Variants in ABR observed in about 807,000 individuals in gnomAD.
ABR encodes the protein active breakpoint cluster region-related protein.
A neutral mutation model predicts 107.2 loss-of-function variants in ABR; 35 were observed. That is an observed-to-expected ratio of 0.33 (90% CI 0.25 to 0.43). The LOEUF (loss-of-function observed/expected upper bound fraction) is 0.43. ABR is among the 20% of genes least tolerant of loss of function. The probability of loss-of-function intolerance (pLI) is 1.00; values close to 1 mark genes in which losing one functional copy is unlikely to be tolerated. For missense variants in ABR, 815 were observed against 1,115.2 expected (o/e 0.73, Z 3.83); for synonymous variants, 498 against 462.0 (o/e 1.08, Z -1.00).
chr17:1,058,627 T>G, intron 11 of ABR, 118 bp downstream of exon 11: 2 of 1,332,554 alleles, frequency 1.5e-6, no homozygotes, highest in Non-Finnish European at 2.0e-6. Flanking sequence ...CATGGCAGCC[T>G]CCTCAGGAAG....
intron 16 of ABR, chr17:1,031,760 CG>C: frequency 8.1e-7 from 1 of 1,235,172 alleles, no homozygotes. Flanking sequence ...GGACGGGACG[CG>C]GCGCTGGAGA....
At chr17:1,170,529 C>T (rs1159080226) in intron 1 of ABR, among the ~76,000 whole-genome samples, 3 of 152,144 alleles carry the variant, frequency 2.0e-5, no homozygotes, top group Non-Finnish European at 2.9e-5. Context: ...CTCCGCCTCC[C>T]GGATTCAAGC....
In ABR at chr17:1,084,371, C is replaced by T. The variant is rs137861845; in HGVS notation, c.532-744G>A. 7.2e-5 allele frequency among the ~76,000 whole-genome samples: 11 copies of T among 152,258 alleles called. No homozygotes were observed. The highest frequency in any genetic ancestry group is 2.2e-4 in the African/African-American group (9 of 41,554). Reference sequence around the variant, plus strand: ...CAGCCTGGGTGACAGAGTAAGACTCCGTCTCAAAAAGAAAACAAAACAACA... The same window carrying T: ...CAGCCTGGGTGACAGAGTAAGACTCTGTCTCAAAAAGAAAACAAAACAACA... On this transcript the variant is annotated intron_variant, in intron 4 of 22. Coordinates refer to ENST00000302538, the MANE Select transcript of ABR (RefSeq NM_021962.5). The surrounding 1 kb of genome is among the most constrained non-coding windows in gnomAD (Gnocchi z 4.2).
At chr17:1,155,225 G>A (rs1283332393) in intron 1 of ABR, among the ~76,000 whole-genome samples, 1 of 152,156 alleles carries the variant, frequency 6.6e-6, no homozygotes, top group Non-Finnish European at 1.5e-5. Flanking sequence ...GATCCACGGA[G>A]TCACGTTGAG....
Position 1,012,174 on chromosome 17 carries a change from G to A in ABR, c.1962-189C>T, listed in dbSNP as rs567298232. ...CCAGCCAGCCCACCCGAGGCCTGCC[G>A]AAGGGGCATCGACGGACGTGGGCAG... On this transcript the variant is annotated intron_variant, in intron 18 of 22. Coordinates refer to ENST00000302538, the MANE Select transcript of ABR (RefSeq NM_021962.5). The A allele has an allele frequency of 2.3e-4, 210 of 909,112 alleles. No individual in the cohort carries two copies. The African/African-American group carries it at 2.9e-3, about 13-fold the overall frequency. 56.3% of individuals were successfully genotyped at this position (909,112 alleles called of 1,614,324 possible).
chr17:1,103,874 C>T (rs2038073399), intron 2 of ABR, among the ~76,000 whole-genome samples: 2 of 152,200 alleles, frequency 1.3e-5, no homozygotes, highest in African/African-American at 4.8e-5. Flanking sequence ...TGTTCCATCT[C>T]CCATCTTTTC....
chr17:1,071,842 C>A lies in ABR; in HGVS notation c.894+772G>T, dbSNP rs1478584173. ...AGGAATCCAGCTCTGACACCAGTGGCTGAAAGACTGCGTGGTGGACCTGGA... is the reference window on the plus strand; with the variant it reads ...AGGAATCCAGCTCTGACACCAGTGGATGAAAGACTGCGTGGTGGACCTGGA... On this transcript the variant is annotated intron_variant, in intron 8 of 22. Coordinates refer to ENST00000302538, the MANE Select transcript of ABR (RefSeq NM_021962.5). This position sits in a 1 kb window ranked among gnomAD's most constrained non-coding sequence, Gnocchi z 5.1. Among the ~76,000 whole-genome samples, 2 of 152,244 alleles carry A rather than the reference C, an allele frequency of 1.3e-5. No homozygotes were observed. The highest frequency in any genetic ancestry group is 2.9e-5 in the Non-Finnish European group (2 of 68,040).
At chr17:1,042,577 G>A (rs2030797361) in intron 16 of ABR, among the ~76,000 whole-genome samples, 1 of 77,914 alleles carries the variant, frequency 1.3e-5, no homozygotes, top group Non-Finnish European at 2.9e-5. Flanking sequence ...AACAGACATG[G>A]CACCTACGTC....
At position 1,179,172 on chromosome 17, in the gene ABR, C is replaced by A. The variant is rs2151625783; in HGVS notation, c.61+495G>T. The stretch of plus-strand genomic sequence containing the variant: ...CACCCGATCCCACCCCAGCACCGAA[C>A]CCCTGGGCCCTGAACCACACATGAC... On this transcript the variant is annotated intron_variant, in intron 1 of 22. Coordinates refer to ENST00000302538, the MANE Select transcript of ABR (RefSeq NM_021962.5). The surrounding 1 kb of genome is among the most constrained non-coding windows in gnomAD (Gnocchi z 4.9). 6.8e-6 allele frequency among the ~76,000 whole-genome samples: 1 copy of A among 146,756 alleles called. No individual in the cohort carries two copies. Among genetic ancestry groups the A allele is most frequent in the East Asian group, 2.0e-4 (1 of 5,106 alleles).
At chr17:1,029,106 A>G (rs1414454571) in intron 16 of ABR, among the ~76,000 whole-genome samples, 2 of 151,370 alleles carry the variant, frequency 1.3e-5, no homozygotes, top group Non-Finnish European at 3.0e-5. Context: ...TTGAGGCAAA[A>G]AAAAAAAAAA....
chr17:1,007,222 C>T lies in ABR; in HGVS notation c.2433G>A (p.Glu811=), dbSNP rs374114883. ...CAGCCGAGGTGAGGTGTGCTTTGCT[C>T]TCCACTTCTGAGGGTCTCAGTAACG... ...GPTLLRPSEV[E]SKAHLTSAAD... Residue 811 remains glutamate (E), a synonymous_variant, in exon 22 of 23, where the codon GAG becomes GAA. Coordinates refer to ENST00000302538, the MANE Select transcript of ABR (RefSeq NM_021962.5). The T allele has an allele frequency of 9.2e-5, 148 of 1,613,740 alleles. No homozygotes were observed. Among genetic ancestry groups the T allele is most frequent in the Admixed American group, 2.2e-4 (13 of 60,022 alleles).
intron 1 of ABR, among the ~76,000 whole-genome samples, chr17:1,158,614 TTAGCCAGGCGTGATGGTGGGCACCTG>T (rs1465496661): frequency 6.6e-6 from 1 of 151,580 alleles, no homozygotes; most frequent in Non-Finnish European, 1.5e-5. Context: ...AATACAAAAA[TTAGCCAGGCGTGATGGTGGGCACCTG>T]TAGTCCCAGC....
intron 1 of ABR, among the ~76,000 whole-genome samples, chr17:1,139,318 C>T (rs950798227): frequency 5.9e-5 from 9 of 152,308 alleles, no homozygotes; most frequent in African/African-American, 1.9e-4. Context: ...GTGGCGCCAT[C>T]TCGGCTCACT....
chr17:1,151,892 C>T (rs1233010655), intron 1 of ABR, among the ~76,000 whole-genome samples: 3 of 151,864 alleles, frequency 2.0e-5, no homozygotes, highest in African/African-American at 4.8e-5. Flanking sequence ...TGGTGATGAG[C>T]GCCTGTAGTC....
At chr17:1,111,785 C>T (rs1165250431) in intron 2 of ABR, among the ~76,000 whole-genome samples, 1 of 152,204 alleles carries the variant, frequency 6.6e-6, no homozygotes, top group Non-Finnish European at 1.5e-5. Flanking sequence ...AGCCCTTCTC[C>T]CTTCCAGGCC....
intron 1 of ABR, among the ~76,000 whole-genome samples, chr17:1,201,228 A>G (rs1386235256): frequency 2.0e-5 from 3 of 152,148 alleles, no homozygotes; most frequent in East Asian, 1.9e-4. Context: ...GCAAAGCACA[A>G]TGCTTTAGGT....
chr17:1,068,554 G>A (rs2034952716), intron 9 of ABR, among the ~76,000 whole-genome samples: 1 of 152,266 alleles, frequency 6.6e-6, no homozygotes, highest in African/African-American at 2.4e-5. Flanking sequence ...TCAGCCGTGA[G>A]AAGGGGTGTG....
intron 16 of ABR, among the ~76,000 whole-genome samples, chr17:1,046,117 C>G (rs957776763): frequency 6.6e-6 from 1 of 152,156 alleles, no homozygotes; most frequent in Admixed American, 6.5e-5. Context: ...GTGATCCCCC[C>G]GCCCTGGCCT....
rs1296004264 is a variant in ABR at position 1,157,764 on chromosome 17, C to A, written c.61+21903G>T. 1.3e-5 allele frequency among the ~76,000 whole-genome samples: 2 copies of A among 152,234 alleles called. No individual in the cohort carries two copies. Among genetic ancestry groups the A allele is most frequent in the South Asian group, 2.1e-4 (1 of 4,830 alleles). ...CCTGGTGGGATCAGCAGGACCATGA[C>A]CTGAGCCTGCCTGCCAGGCACAGAA... On this transcript the variant is annotated intron_variant, in intron 1 of 22. Coordinates refer to ENST00000302538, the MANE Select transcript of ABR (RefSeq NM_021962.5). This position sits in a 1 kb window ranked among gnomAD's most constrained non-coding sequence, Gnocchi z 4.7.
Sources: allele counts gnomAD v4.1 joint callset (sites outside exome capture counted in the v4.1 genomes callset), GRCh38; gene constraint gnomAD v4.1.1; non-coding constraint Gnocchi (gnomAD v3.1); transcripts MANE v1.5; gene names NCBI Gene and HGNC (gene_info 2026-07-23, HGNC 2026-07-21).